Variants in ACSM2A observed in about 807,000 individuals in gnomAD.
ACSM2A encodes the protein acyl-coenzyme A synthetase ACSM2A, mitochondrial.
ACSM2A carries 72 observed loss-of-function variants against 76.6 expected under a neutral mutation model. The ratio of observed to expected loss-of-function variants is 0.94; its 90% CI spans 0.78 to 1.14. ACSM2A has a LOEUF of 1.14. Ranked by LOEUF, ACSM2A falls within the 50% of genes most tolerant of loss-of-function variation. ACSM2A has a pLI of 0.00. For missense variants in ACSM2A, 684 were observed against 708.5 expected, an observed-to-expected ratio of 0.97 and a Z score of 0.39; for synonymous variants, 249 against 255.9, an observed-to-expected ratio of 0.97 and a Z score of 0.26.
At chr16:20,469,881 T>C (rs1344895179) in intron 4 of ACSM2A, among the ~76,000 whole-genome samples, 162 bp downstream of exon 4, 1 of 149,450 alleles carries the variant, frequency 6.7e-6, no homozygotes, top group African/African-American at 2.5e-5. Context: ...TATTTTTTTT[T>C]TTTTTTTTTT....
At chr16:20,460,046 G>A in intron 1 of ACSM2A, 61 bp from the exon 2 acceptor site, 1 of 1,512,070 alleles carries the variant, frequency 6.6e-7, no homozygotes, top group Non-Finnish European at 8.9e-7. Flanking sequence ...TGAAGCTGCT[G>A]ATGATCAGTA....
At chr16:20,486,499 C>G (rs1031364843) in intron 13 of ACSM2A, 75 bp from the exon 14 acceptor site, 1 of 1,535,022 alleles carries the variant, frequency 6.5e-7, no homozygotes, top group East Asian at 2.3e-5. Context: ...TTCCCCTCAC[C>G]CTACAGCAGT....
chr16:20,469,494 A>T lies in ACSM2A; in HGVS notation c.389-18A>T, dbSNP rs1045341455. On this transcript the variant is annotated intron_variant, in intron 3 of 13. Transcript: ENST00000573854. ...GAAAATCATCCTTTCCAATTCTCTA[A>T]ATTGTTGGCTTCTTTAGGTCTCATC... The T allele has an allele frequency of 2.5e-6, 4 of 1,610,374 alleles. No individual in the cohort carries two copies. The highest frequency in any genetic ancestry group is 3.4e-6 in the Non-Finnish European group (4 of 1,177,348).
At chr16:20,470,274 A>G (rs1346358769) in intron 4 of ACSM2A, among the ~76,000 whole-genome samples, 1 of 152,182 alleles carries the variant, frequency 6.6e-6, no homozygotes. Context: ...AACCCAAGAG[A>G]TGGCTGATAT....
At position 20,475,861 on chromosome 16, in the gene ACSM2A, A is replaced by G. The variant is rs907306931; in HGVS notation, c.1098+88A>G. On this transcript the variant is annotated intron_variant, in intron 8 of 13. Coordinates refer to ENST00000573854, the MANE Select transcript of ACSM2A (RefSeq NM_001308172.2). ...CAATAAAAATTGTTAGCCACCATGT[A>G]TCATTCATCTATTCGAGAAGTATTT... The G allele has an allele frequency of 2.0e-5, 32 of 1,585,336 alleles. No individual in the cohort carries two copies. In the African/African-American group the frequency reaches 4.1e-4, roughly 20 times the overall value.
In ACSM2A at chr16:20,481,082, C is replaced by CGG. The variant is rs561074481; in HGVS notation, c.1509+161_1509+162insGG. On this transcript the variant is annotated intron_variant, in intron 12 of 13. Coordinates refer to ENST00000573854, the MANE Select transcript of ACSM2A (RefSeq NM_001308172.2). Reference sequence around the variant, plus strand: ...ACCTTGGGCAAGCTACTTGGCCTCTCTGTTTCTCAGTTTCCCCATCTGTAA... The same window carrying CGG: ...ACCTTGGGCAAGCTACTTGGCCTCTCGGTGTTTCTCAGTTTCCCCATCTGTAA... The CGG allele has an allele frequency of 4.3e-4, 376 of 879,372 alleles. 4 individuals carry two copies. The highest frequency in any genetic ancestry group is 7.6e-5 in the Non-Finnish European group (44 of 579,110). 54.5% of individuals were successfully genotyped at this position (879,372 alleles called of 1,614,324 possible). A position where few individuals can be genotyped will look rare whatever the true frequency, so the allele number is the denominator to read the frequency against.
intron 1 of ACSM2A, among the ~76,000 whole-genome samples, chr16:20,454,521 C>T (rs2012004428): frequency 6.6e-6 from 1 of 151,846 alleles, no homozygotes; most frequent in Admixed American, 6.6e-5. Flanking sequence ...TAGTGATGGC[C>T]TCCCCTGAGG....
At chr16:20,467,635 T>A (rs2013093112) in intron 3 of ACSM2A, among the ~76,000 whole-genome samples, 1 of 151,868 alleles carries the variant, frequency 6.6e-6, no homozygotes, top group African/African-American at 2.4e-5. Context: ...TTTCAGCAAG[T>A]GGGTGGATGG....
intron 2 of ACSM2A, among the ~76,000 whole-genome samples, chr16:20,461,580 A>G (rs1482665911): frequency 2.6e-5 from 4 of 152,206 alleles, no homozygotes; most frequent in African/African-American, 9.6e-5. Flanking sequence ...AAAGTTAATA[A>G]TATAAAGTGA....
At chr16:20,468,472 G>C (rs879736401) in intron 3 of ACSM2A, among the ~76,000 whole-genome samples, 1 of 152,194 alleles carries the variant, frequency 6.6e-6, no homozygotes, top group Non-Finnish European at 1.5e-5. Flanking sequence ...CAATCCTCCT[G>C]CCTCAGCCTC....
In ACSM2A at chr16:20,475,773, G is replaced by GAAACA. The variant is rs763971345; in HGVS notation, c.1098_1098+1insAAACA (p.Gly367LysfsTer4). 1 of 1,613,820 alleles carries GAAACA rather than the reference G, an allele frequency of 6.2e-7. No homozygotes were observed. The highest frequency in any genetic ancestry group is 1.3e-5 in the African/African-American group (1 of 75,014). ...GAGAATCCTATGGCCAGACAGAAAC[G>GAAACA]GTACCTGTTCCCAGGGGAACCATGG... On this transcript the variant is annotated frameshift_variant and splice_region_variant. Transcript: ENST00000573854. LOFTEE classifies it high-confidence loss of function.
chr16:20,485,139 G>A (rs538514980), intron 13 of ACSM2A, among the ~76,000 whole-genome samples: 1 of 152,236 alleles, frequency 6.6e-6, no homozygotes, highest in East Asian at 1.9e-4. Flanking sequence ...AGAGTGACTG[G>A]CACATAATAA....
At chr16:20,464,294 C>G (rs1055577911) in intron 2 of ACSM2A, among the ~76,000 whole-genome samples, 64 of 152,182 alleles carry the variant, frequency 4.2e-4, no homozygotes, top group African/African-American at 1.4e-3. Context: ...AGCAATATCC[C>G]ACTTCTGGTA....
At position 20,465,514 on chromosome 16, in the gene ACSM2A, C is replaced by T. The variant is rs181379489; in HGVS notation, c.178-3C>T. ...CTGATCAACAGGGCTTCTCTTTCCT[C>T]AGGCTGGCAAGCGACTCCCAAGCCC... On this transcript the variant is annotated splice_region_variant and splice_polypyrimidine_tract_variant and intron_variant, in intron 2 of 13. Coordinates refer to ENST00000573854, the MANE Select transcript of ACSM2A (RefSeq NM_001308172.2). The T allele has an allele frequency of 1.3e-4, 210 of 1,613,808 alleles. 2 individuals carry two copies. The highest frequency in any genetic ancestry group is 6.6e-4 in the Middle Eastern group (4 of 6,054).
rs1436280669 is a variant in ACSM2A, at chr16:20,487,463, T to C, written c.*785T>C. The C allele has an allele frequency of 1.3e-5, 2 of 152,190 alleles. No individual in the cohort carries two copies. Among genetic ancestry groups the C allele is most frequent in the Non-Finnish European group, 2.9e-5 (2 of 68,050 alleles). The allele number at this position is 152,190 out of a possible 1,614,324, so 9.4% of individuals were successfully genotyped here. On this transcript the variant is annotated 3_prime_UTR_variant, in exon 14 of 14. Transcript: ENST00000573854. ...TGTCAGGGTCAGAGGGGAACCACCA[T>C]TTATTAAGCATTTGCCATGTGCCAG... is the stretch of plus-strand genomic sequence containing the variant.
rs143271830 is a variant in ACSM2A, at chr16:20,462,796, C to G, written c.177+2505C>G. Among the ~76,000 whole-genome samples, 575 of 151,868 alleles carry G rather than the reference C, an allele frequency of 3.8e-3. 4 individuals are homozygous for G. Among genetic ancestry groups the G allele is most frequent in the African/African-American group, 0.012 (502 of 41,408 alleles). ...TCTCAAAAAATTAAAAAATAGAATT[C>G]CCATTCAGCAATTCCAACTCTGGGT... On this transcript the variant is annotated intron_variant, in intron 2 of 13. Coordinates refer to ENST00000573854, the MANE Select transcript of ACSM2A (RefSeq NM_001308172.2).
chr16:20,477,286 A>T (rs372883528), intron 8 of ACSM2A, 83 bp from the exon 9 acceptor site: 7 of 1,562,082 alleles, frequency 4.5e-6, no homozygotes, highest in South Asian at 1.3e-5. Flanking sequence ...CAGTGTCAGG[A>T]CCTGCTCTGC....
chr16:20,461,241 G>A (rs1291908739), intron 2 of ACSM2A, among the ~76,000 whole-genome samples: 1 of 148,880 alleles, frequency 6.7e-6, no homozygotes, highest in Non-Finnish European at 1.5e-5. Flanking sequence ...TCTTAGTGTG[G>A]AGATTGCAAA....
At chr16:20,476,482 G>C (rs1405764522) in intron 8 of ACSM2A, 6 of 985,298 alleles carry the variant, frequency 6.1e-6, no homozygotes, top group African/African-American at 1.7e-5. Flanking sequence ...GTTGACGGCA[G>C]CTCTGTGGTA....
Sources: gnomAD v4.1 joint callset for allele counts (sites outside exome capture counted in the v4.1 genomes callset) on GRCh38, gnomAD v4.1.1 for gene constraint, MANE v1.5 for transcripts, NCBI Gene and HGNC (gene_info 2026-07-23, HGNC 2026-07-21) for gene names.